Variants in SPTA1 observed in about 807,000 individuals in gnomAD.
SPTA1 encodes spectrin alpha, erythrocytic 1.
A neutral mutation model predicts 324.7 loss-of-function variants in SPTA1; 177 were observed. The observed-to-expected ratio is 0.55, with a 90% CI of 0.48 to 0.62. The LOEUF (loss-of-function observed/expected upper bound fraction) is 0.62. SPTA1 is among the 20% of genes least tolerant of loss of function. The pLI, the probability that SPTA1 is intolerant of heterozygous loss-of-function variation, is 0.00. For synonymous variants in SPTA1, 1,195 were observed against 1,041.3 expected, an observed-to-expected ratio of 1.15 and a Z score of -2.84; for missense variants, 3,162 against 2,883.6, an observed-to-expected ratio of 1.10 and a Z score of -2.21.
chr1:158,632,574 C>T (rs1368651755), intron 39 of SPTA1, among the ~76,000 whole-genome samples: 1 of 152,060 alleles, frequency 6.6e-6, no homozygotes, highest in African/African-American at 2.4e-5. Flanking sequence ...CATCATTATC[C>T]ATTAAGGAAA....
At position 158,649,993 on chromosome 1, in the gene SPTA1, C is replaced by G. The variant is rs146598114; in HGVS notation, c.3478-46G>C. On this transcript the variant is annotated intron_variant, in intron 24 of 51. Coordinates refer to ENST00000643759, the MANE Select transcript of SPTA1 (RefSeq NM_003126.4). ...AGACTTGAGACAGAGAACTAACTCA[C>G]ATGGCTCAGTGGCGTCTGAAGACCA... 5.6e-4 allele frequency: 760 copies of G among 1,348,830 alleles called. 4 individuals carry two copies. In the African/African-American group the frequency reaches 9.7e-3, roughly 17 times the overall value. 83.6% of individuals were successfully genotyped at this position (1,348,830 alleles called of 1,614,324 possible). A position where few individuals can be genotyped will look rare whatever the true frequency, so the allele number is the denominator to read the frequency against.
rs374858472 is a variant in SPTA1, at chr1:158,642,812, G to C, written c.4605+2C>G. 2 of 1,613,808 alleles carry C rather than the reference G, an allele frequency of 1.2e-6. No individual in the cohort carries two copies. Among genetic ancestry groups the C allele is most frequent in the Non-Finnish European group, 1.7e-6 (2 of 1,179,826 alleles). ...TTTCCAAGATTCCTATTTTGAACTT[G>C]CCTGAATGTTAGTGGCGTCTTTGTA... On this transcript the variant is annotated splice_donor_variant, in intron 32 of 51. Coordinates refer to ENST00000643759, the MANE Select transcript of SPTA1 (RefSeq NM_003126.4). LOFTEE classifies it high-confidence loss of function.
In SPTA1 at chr1:158,661,268, G is replaced by A. The variant is rs1557970679; in HGVS notation, c.2587+19C>T. 1.2e-6 allele frequency: 2 copies of A among 1,613,776 alleles called. No individual in the cohort carries two copies. The highest frequency in any genetic ancestry group is 8.5e-7 in the Non-Finnish European group (1 of 1,179,760). On this transcript the variant is annotated intron_variant, in intron 18 of 51. Transcript: ENST00000643759. Reference sequence around the variant, plus strand: ...TGGCCTGGTGATGTTTTGTCCAACTGAATCTCAATCATACATACCTTCCTC... The same window carrying A: ...TGGCCTGGTGATGTTTTGTCCAACTAAATCTCAATCATACATACCTTCCTC...
Position 158,686,634 on chromosome 1 carries a change from A to T in SPTA1, c.-117T>A. ...AAATAGAAATATAGAAACGTTAAGT[A>T]TGTGGGGGAAAAAAAAAAACCTCTT... On this transcript the variant is annotated 5_prime_UTR_variant, in exon 1 of 52. Transcript: ENST00000643759. The T allele has an allele frequency of 1.4e-6, 1 of 734,166 alleles. No homozygotes were observed. The highest frequency in any genetic ancestry group is 2.4e-5 in the African/African-American group (1 of 41,018). The allele number at this position is 734,166 out of a possible 1,614,324, so 45.5% of individuals were successfully genotyped here.
intron 48 of SPTA1, 63 bp from the exon 49 acceptor site, chr1:158,614,369 A>G: frequency 2.6e-6 from 3 of 1,153,806 alleles, no homozygotes; most frequent in Non-Finnish European, 3.9e-6. Context: ...GCAGAACACA[A>G]GCCACATGGA....
Position 158,636,787 on chromosome 1 carries a change from G to C in SPTA1, c.5190-26C>G, listed in dbSNP as rs777919453. ...CTAAAATCAAGGAAGAAAACAGAAA[G>C]TTTGGAGTCTAGACATCTAATGTCA... On this transcript the variant is annotated intron_variant, in intron 36 of 51. Transcript: ENST00000643759. 3 of 1,613,518 alleles carry C rather than the reference G, an allele frequency of 1.9e-6. No individual in the cohort carries two copies. The South Asian group carries it at 3.3e-5, about 18-fold the overall frequency.
intron 47 of SPTA1, among the ~76,000 whole-genome samples, chr1:158,616,798 T>G (rs1012119920): frequency 1.2e-4 from 19 of 152,202 alleles, no homozygotes; most frequent in Non-Finnish European, 1.8e-4. Flanking sequence ...TGCTGAATCA[T>G]ATGGTCTTTA....
At position 158,654,692 on chromosome 1, in the gene SPTA1, T is replaced by A; in HGVS notation, c.2955A>T (p.Leu985Phe). The A allele has an allele frequency of 6.2e-7, 1 of 1,614,012 alleles. No homozygotes were observed. The highest frequency in any genetic ancestry group is 8.5e-7 in the Non-Finnish European group (1 of 1,179,992). The change falls in exon 21 of 52, where the codon TTA (leucine) becomes TTT (phenylalanine). Residue 985 changes from leucine (L) to phenylalanine (F), a missense_variant. Leu to Phe is a conservative substitution (Grantham distance 22). Transcript: ENST00000643759. Reference sequence around the variant, plus strand: ...GGGGGCTGCGGGCCTGGAAGTCATATAAAGCCATGACCCTTTGTTCTCCAG... The same window carrying A: ...GGGGGCTGCGGGCCTGGAAGTCATAAAAAGCCATGACCCTTTGTTCTCCAG... ...GVAGEQRVMA[L>F]YDFQARSPRE...
Position 158,680,606 on chromosome 1 carries a change from G to A in SPTA1, c.655C>T (p.Gln219Ter). ...AKEGRVVEVNQYANECAEENH... is the reference protein window; with the variant it reads ...AKEGRVVEVN ...ACCTCGGCACACTCATTGGCATATT[G>A]GTTCACTTCAACAACTCTCCCTTCT... Residue 219 changes from glutamine to a stop codon, truncating the protein, a stop_gained, in exon 5 of 52, where the codon CAA becomes TAA. Transcript: ENST00000643759. LOFTEE classifies it high-confidence loss of function. The A allele has an allele frequency of 6.2e-7, 1 of 1,613,784 alleles. No homozygotes were observed. Among genetic ancestry groups the A allele is most frequent in the Non-Finnish European group, 8.5e-7 (1 of 1,179,814 alleles).
chr1:158,611,505 G>A, intron 51 of SPTA1, 116 bp from the exon 52 acceptor site: 3 of 1,201,832 alleles, frequency 2.5e-6, no homozygotes, highest in Non-Finnish European at 3.5e-6. Flanking sequence ...GAAGACGCAA[G>A]CCCTATTTCT....
rs1650915447 is a variant in SPTA1 at position 158,634,544 on chromosome 1, T to C, written c.5564A>G (p.Gln1855Arg). The change falls in exon 39 of 52, where the codon CAG (glutamine) becomes CGG (arginine). Residue 1855 changes from glutamine to arginine, a missense_variant and splice_region_variant. Coordinates refer to ENST00000643759, the MANE Select transcript of SPTA1 (RefSeq NM_003126.4). Reference sequence around the variant, plus strand: ...TGATTCATTCTTCCTGTTCCTCACCTGAGTAGCAGCTAATGTATCTCCACA... The same window carrying C: ...TGATTCATTCTTCCTGTTCCTCACCCGAGTAGCAGCTAATGTATCTCCACA... Reference protein sequence around the residue: ...GDCGDTLAATQSLLMKHEALE... With the variant: ...GDCGDTLAATRSLLMKHEALE... 2 of 1,613,890 alleles carry C rather than the reference T, an allele frequency of 1.2e-6. No individual in the cohort carries two copies. The highest frequency in any genetic ancestry group is 1.7e-6 in the Non-Finnish European group (2 of 1,180,030).
intron 49 of SPTA1, 77 bp downstream of exon 49, chr1:158,614,176 G>T: frequency 8.5e-7 from 1 of 1,180,194 alleles, no homozygotes; most frequent in Non-Finnish European, 1.3e-6. Flanking sequence ...CTCACAGAGT[G>T]AGAGAAACAT....
chr1:158,647,218 T>C (rs1425981342), intron 27 of SPTA1, among the ~76,000 whole-genome samples: 1 of 152,236 alleles, frequency 6.6e-6, no homozygotes, highest in Non-Finnish European at 1.5e-5. Flanking sequence ...GTTTTCGGCC[T>C]CATTATGTTC....
chr1:158,644,647 C>T (rs1253082834), intron 29 of SPTA1, among the ~76,000 whole-genome samples: 1 of 152,172 alleles, frequency 6.6e-6, no homozygotes, highest in Non-Finnish European at 1.5e-5. Context: ...CTTGTTAATA[C>T]TGGCTGGTCA....
intron 5 of SPTA1, among the ~76,000 whole-genome samples, chr1:158,679,572 A>C (rs1654645880): frequency 6.6e-6 from 1 of 152,086 alleles, no homozygotes; most frequent in African/African-American, 2.4e-5. Flanking sequence ...GATCTCCTCA[A>C]TCCTCCCAAA....
In SPTA1 at chr1:158,656,430, C is replaced by G. The variant is rs908487793; in HGVS notation, c.2898+134G>C. The G allele has an allele frequency of 1.2e-5, 10 of 815,696 alleles. No homozygotes were observed. In the African/African-American group the frequency reaches 1.7e-4, roughly 14 times the overall value. 50.5% of individuals were successfully genotyped at this position (815,696 alleles called of 1,614,324 possible). ...TTGTGGATGCTACAGTTCCTGCATA[C>G]AAGGGTCATAGAACTTAGTGTTTTC... On this transcript the variant is annotated intron_variant, in intron 20 of 51. Coordinates refer to ENST00000643759, the MANE Select transcript of SPTA1 (RefSeq NM_003126.4).
At chr1:158,612,349 G>C (rs1649307902) in intron 51 of SPTA1, 1 of 207,364 alleles carries the variant, frequency 4.8e-6, no homozygotes, top group African/African-American at 2.4e-5. Flanking sequence ...TGGAATCAGA[G>C]AGAAGAGAGA....
intron 48 of SPTA1, 185 bp from the exon 49 acceptor site, chr1:158,614,491 T>C (rs572378132): frequency 1.6e-5 from 9 of 558,528 alleles, no homozygotes; most frequent in Admixed American, 3.3e-5. Flanking sequence ...GTACAGTCCA[T>C]GAGCCAAGAG....
At chr1:158,616,373 C>T (rs762491599) in intron 47 of SPTA1, among the ~76,000 whole-genome samples, 47 of 152,018 alleles carry the variant, frequency 3.1e-4, no homozygotes, top group Non-Finnish European at 5.7e-4. Flanking sequence ...TATATTTATA[C>T]CCAATAATCA....
Sources: gnomAD v4.1 joint callset for allele counts (sites outside exome capture counted in the v4.1 genomes callset) on GRCh38, gnomAD v4.1.1 for gene constraint, MANE v1.5 for transcripts, NCBI Gene and HGNC (gene_info 2026-07-23, HGNC 2026-07-21) for gene names.